The following COL19A1 variants were observed in gnomAD, a reference collection of about 807,000 sequenced individuals.
COL19A1 encodes collagen type XIX alpha 1 chain.
COL19A1 carries 159 observed loss-of-function variants against 190.2 expected under a neutral mutation model. That is an observed-to-expected ratio of 0.84 (90% confidence interval 0.73 to 0.95). The LOEUF (loss-of-function observed/expected upper bound fraction) is 0.95. Among genes scored for constraint, COL19A1 ranks in the 40% least tolerant of loss-of-function variants. The probability of loss-of-function intolerance (pLI) is 0.00; values close to 1 mark genes in which losing one functional copy is unlikely to be tolerated. For synonymous variants in COL19A1, 509 were observed against 458.9 expected (o/e 1.11, Z -1.39); for missense variants, 1,418 against 1,431.9 (o/e 0.99, Z 0.16).
chr6:69,890,380 G>A (rs1769266497), intron 2 of COL19A1: 1 of 152,050 alleles, frequency 6.6e-6, no homozygotes, highest in African/African-American at 2.4e-5. Flanking sequence ...TATTTTTCTA[G>A]TGGGATTTAT....
chr6:70,163,745 G>A (rs1787966658), intron 36 of COL19A1, among the ~76,000 whole-genome samples: 1 of 152,162 alleles, frequency 6.6e-6, no homozygotes, highest in African/African-American at 2.4e-5. Context: ...AGCCACAGGG[G>A]CTGTCAGTTT....
chr6:70,126,435 G>C (rs1785198531), intron 17 of COL19A1, among the ~76,000 whole-genome samples: 2 of 152,140 alleles, frequency 1.3e-5, no homozygotes, highest in African/African-American at 4.8e-5. Context: ...AGGCTCCACT[G>C]GCTTTGAGGA....
chr6:70,062,698 G>A (rs1300961766), intron 14 of COL19A1, among the ~76,000 whole-genome samples: 1 of 152,078 alleles, frequency 6.6e-6, no homozygotes, highest in Admixed American at 6.6e-5. Flanking sequence ...ATTGGATAAA[G>A]AGTCAAGACC....
Position 69,915,239 on chromosome 6 carries a change from T to C in COL19A1, c.267-12670T>C, listed in dbSNP as rs1027723316. On this transcript the variant is annotated intron_variant, in intron 4 of 50. Coordinates refer to ENST00000620364, the MANE Select transcript of COL19A1 (RefSeq NM_001858.6). ...AGCTTCATTATTGTCTTTAAGTTTC[T>C]TGACAACAACCCACCAGGGCCTAGT... is the stretch of plus-strand genomic sequence containing the variant. Among the ~76,000 whole-genome samples the C allele has an allele frequency of 3.3e-5, 5 of 152,242 alleles. No homozygotes were observed. The East Asian group carries it at 5.8e-4, about 18-fold the overall frequency.
Position 69,946,095 on chromosome 6 carries a change from T to C in COL19A1, c.936+7995T>C, listed in dbSNP as rs1582485065. ...AGTCAGGCATACTAAATGAAACAAATAGGAATATCTTAGAATCTGAAATTT... is the reference window on the plus strand; with the variant it reads ...AGTCAGGCATACTAAATGAAACAAACAGGAATATCTTAGAATCTGAAATTT... On this transcript the variant is annotated intron_variant, in intron 9 of 50. Coordinates refer to ENST00000620364, the MANE Select transcript of COL19A1 (RefSeq NM_001858.6). 2.0e-5 allele frequency among the ~76,000 whole-genome samples: 3 copies of C among 151,874 alleles called. 1 individual carries two copies. The highest frequency in any genetic ancestry group is 4.4e-5 in the Non-Finnish European group (3 of 67,904).
At chr6:70,125,573 G>T (rs1350219892) in intron 17 of COL19A1, among the ~76,000 whole-genome samples, 4 of 151,800 alleles carry the variant, frequency 2.6e-5, no homozygotes, top group African/African-American at 9.7e-5. Context: ...ATCCAAAAAG[G>T]GATGGAGAAG....
intron 18 of COL19A1, among the ~76,000 whole-genome samples, chr6:70,130,822 G>A (rs1785475374): frequency 1.3e-5 from 2 of 152,208 alleles, no homozygotes; most frequent in African/African-American, 4.8e-5. Context: ...GTAATTAAAT[G>A]TGAATCCGTG....
intron 14 of COL19A1, among the ~76,000 whole-genome samples, chr6:70,054,069 G>T (rs1780360679): frequency 6.6e-6 from 1 of 152,160 alleles, no homozygotes; most frequent in East Asian, 1.9e-4. Context: ...AAGATATTTT[G>T]GCCAGGTGCA....
At chr6:70,134,762 C>T (rs978595721) in intron 18 of COL19A1, among the ~76,000 whole-genome samples, 1 of 152,196 alleles carries the variant, frequency 6.6e-6, no homozygotes, top group South Asian at 2.1e-4. Flanking sequence ...TATCAACTCT[C>T]ACAGCACAAA....
chr6:70,180,019 A>C (rs1766068317), intron 42 of COL19A1, among the ~76,000 whole-genome samples: 1 of 152,036 alleles, frequency 6.6e-6, no homozygotes, highest in South Asian at 2.1e-4. Flanking sequence ...AGTAGCTGGG[A>C]TTACAGGCAC....
At chr6:70,107,912 C>T (rs1784068197) in intron 16 of COL19A1, among the ~76,000 whole-genome samples, 1 of 152,152 alleles carries the variant, frequency 6.6e-6, no homozygotes, top group Non-Finnish European at 1.5e-5. Context: ...TGTCCTTCCT[C>T]ACACTCCAAT....
chr6:70,141,523 C>T (rs1020936954), intron 20 of COL19A1, among the ~76,000 whole-genome samples: 14 of 151,978 alleles, frequency 9.2e-5, no homozygotes, highest in African/African-American at 2.7e-4. Flanking sequence ...ACACATATTA[C>T]CTTAAATTCT....
chr6:70,105,822 A>T (rs555769170), intron 16 of COL19A1, among the ~76,000 whole-genome samples: 285 of 152,292 alleles, frequency 1.9e-3, no homozygotes, highest in African/African-American at 5.3e-3. Flanking sequence ...TGTATTTTTT[A>T]AAAAATTTTA....
chr6:70,092,645 G>A (rs534133826), intron 15 of COL19A1, among the ~76,000 whole-genome samples: 18 of 152,210 alleles, frequency 1.2e-4, no homozygotes, highest in East Asian at 7.7e-4. Context: ...CCACCTCACT[G>A]ATCCTCTAGA....
intron 48 of COL19A1, among the ~76,000 whole-genome samples, chr6:70,192,768 C>T (rs938707856): frequency 6.6e-6 from 1 of 152,134 alleles, no homozygotes; most frequent in Admixed American, 6.5e-5. Flanking sequence ...AAACATGGGG[C>T]CCTATGTGAC....
intron 14 of COL19A1, among the ~76,000 whole-genome samples, chr6:70,039,908 G>A (rs1267867836): frequency 2.0e-5 from 3 of 149,778 alleles, no homozygotes; most frequent in African/African-American, 7.5e-5. Context: ...GACTACAGAC[G>A]GTTGGCACTA....
intron 16 of COL19A1, among the ~76,000 whole-genome samples, chr6:70,106,891 A>G (rs1275108117): frequency 2.0e-5 from 3 of 152,232 alleles, no homozygotes; most frequent in African/African-American, 4.8e-5. Flanking sequence ...AGGGCTAAGC[A>G]TCTCCCTCGG....
intron 11 of COL19A1, among the ~76,000 whole-genome samples, chr6:69,969,558 A>G (rs190622309): frequency 5.4e-4 from 83 of 152,336 alleles, no homozygotes; most frequent in African/African-American, 1.9e-3. Flanking sequence ...TAAAAATAAC[A>G]ATACAACAAT....
chr6:69,945,469 T>A lies in COL19A1; in HGVS notation c.936+7369T>A, dbSNP rs992805206. Among the ~76,000 whole-genome samples, 4 of 152,070 alleles carry A rather than the reference T, an allele frequency of 2.6e-5. No homozygotes were observed. The South Asian group carries it at 8.3e-4, about 32-fold the overall frequency. ...TACTCATATGCCCATTCTGTAACCA[T>A]ACCACAACAATAAAAATTAATTAAA... On this transcript the variant is annotated intron_variant, in intron 9 of 50. Coordinates refer to ENST00000620364, the MANE Select transcript of COL19A1 (RefSeq NM_001858.6).
Sources: allele counts gnomAD v4.1 joint callset (sites outside exome capture counted in the v4.1 genomes callset), GRCh38; gene constraint gnomAD v4.1.1; transcripts MANE v1.5; gene names NCBI Gene and HGNC (gene_info 2026-07-23, HGNC 2026-07-21).